The following TXNDC8 variants were observed in gnomAD, a reference collection of about 807,000 sequenced individuals.
TXNDC8 encodes the protein thioredoxin domain-containing protein 8.
TXNDC8 carries 15 observed loss-of-function variants against 12.9 expected under a neutral mutation model. The observed-to-expected ratio is 1.16, with a 90% CI of 0.78 to 1.79. TXNDC8 has a LOEUF of 1.79. Among genes scored for constraint, TXNDC8 ranks in the 40% most tolerant of loss-of-function variants. The pLI, the probability that TXNDC8 is intolerant of heterozygous loss-of-function variation, is 0.00. For synonymous variants in TXNDC8, 40 were observed against 35.4 expected (o/e 1.13, Z -0.46); for missense variants, 128 against 113.2 (o/e 1.13, Z -0.59).
At chr9:110,310,030 A>G (rs1168119044) in intron 3 of TXNDC8, among the ~76,000 whole-genome samples, 2 of 152,236 alleles carry the variant, frequency 1.3e-5, no homozygotes, top group Non-Finnish European at 2.9e-5. Flanking sequence ...GAAAACAAGG[A>G]GACTGACTCC....
intron 2 of TXNDC8, among the ~76,000 whole-genome samples, chr9:110,326,942 A>G (rs953150579): frequency 3.6e-5 from 5 of 140,336 alleles, no homozygotes; most frequent in African/African-American, 1.4e-4. Flanking sequence ...CTACTCATGC[A>G]CACACACACA....
At chr9:110,305,550 CTT>C (rs1169345809) in intron 3 of TXNDC8, among the ~76,000 whole-genome samples, 3 of 31,980 alleles carry the variant, frequency 9.4e-5, no homozygotes, top group Admixed American at 3.9e-4. Flanking sequence ...TTTTCTTTTT[CTT>C]TCTTTCTTTC....
chr9:110,320,943 C>T (rs973415331), intron 3 of TXNDC8, among the ~76,000 whole-genome samples: 1 of 152,144 alleles, frequency 6.6e-6, no homozygotes, highest in Non-Finnish European at 1.5e-5. Flanking sequence ...TCTTCTTTGC[C>T]CTAGAACTAG....
At chr9:110,322,311 T>C (rs920266312) in intron 3 of TXNDC8, 3 of 939,660 alleles carry the variant, frequency 3.2e-6, no homozygotes, top group African/African-American at 3.6e-5. Context: ...TGGGTGACCC[T>C]GGAATTAGAA....
At chr9:110,329,570 C>A (rs1006891121) in intron 2 of TXNDC8, among the ~76,000 whole-genome samples, 1 of 152,108 alleles carries the variant, frequency 6.6e-6, no homozygotes, top group African/African-American at 2.4e-5. Context: ...ACAGAATGTG[C>A]GTGGTGGATC....
At chr9:110,304,642 G>T (rs757459299) in intron 3 of TXNDC8, 110 bp from the exon 5 acceptor site, 1 of 991,562 alleles carries the variant, frequency 1.0e-6, no homozygotes, top group Non-Finnish European at 1.4e-6. Flanking sequence ...TGTCAGAAAG[G>T]ATCTGCAAAA....
Position 110,329,365 on chromosome 9 carries a change from A to G in TXNDC8, c.130-3125T>C, listed in dbSNP as rs139729035. The G allele has an allele frequency of 1.4e-5, 17 of 1,193,446 alleles. No homozygotes were observed. The Admixed American group carries it at 3.5e-4, about 24-fold the overall frequency. The allele number at this position is 1,193,446 out of a possible 1,614,324, so 73.9% of individuals were successfully genotyped here. Reference sequence around the variant, plus strand: ...AAATACACACTGGAAGTGTCTTTTCAGTAGAAAAGAAAATTGAACAGAAAG... The same window carrying G: ...AAATACACACTGGAAGTGTCTTTTCGGTAGAAAAGAAAATTGAACAGAAAG... On this transcript the variant is annotated intron_variant, in intron 2 of 4. Transcript: ENST00000423740.
At chr9:110,312,601 C>T (rs952642928) in intron 3 of TXNDC8, among the ~76,000 whole-genome samples, 8 of 152,024 alleles carry the variant, frequency 5.3e-5, no homozygotes, top group Admixed American at 5.2e-4. Flanking sequence ...GGCTCAGCTT[C>T]AAAAAAGTCT....
chr9:110,324,299 A>C (rs1839224307), intron 3 of TXNDC8, among the ~76,000 whole-genome samples: 1 of 152,234 alleles, frequency 6.6e-6, no homozygotes, highest in Admixed American at 6.5e-5. Context: ...AAGTTGAGGG[A>C]GCATATGTTA....
At chr9:110,308,804 G>A (rs919689051) in intron 3 of TXNDC8, among the ~76,000 whole-genome samples, 1 of 152,206 alleles carries the variant, frequency 6.6e-6, no homozygotes, top group Admixed American at 6.5e-5. Flanking sequence ...GAGCAAAGGT[G>A]CCACTCACCC....
intron 2 of TXNDC8, among the ~76,000 whole-genome samples, chr9:110,329,949 C>G (rs988879801): frequency 1.3e-5 from 2 of 152,128 alleles, no homozygotes; most frequent in African/African-American, 2.4e-5. Context: ...AAGTAACTCC[C>G]TCCTACTTCT....
At chr9:110,301,685 A>G (rs551109766), downstream of TXNDC8, among the ~76,000 whole-genome samples, 1 of 152,328 alleles carries the variant, frequency 6.6e-6, no homozygotes, top group Admixed American at 6.5e-5. Flanking sequence ...AGACTGGAAA[A>G]TAAAGAACAT....
intron 1 of TXNDC8, among the ~76,000 whole-genome samples, chr9:110,335,983 T>TG (rs1839739444): frequency 6.6e-6 from 1 of 151,986 alleles, no homozygotes; most frequent in Non-Finnish European, 1.5e-5. Flanking sequence ...ATTATGGGGG[T>TG]GGGTTTTTCC....
At position 110,332,426 on chromosome 9, in the gene TXNDC8, T is replaced by C. The variant is rs916488476; in HGVS notation, c.129+1790A>G. Among the ~76,000 whole-genome samples the C allele has an allele frequency of 3.3e-5, 5 of 152,172 alleles. 1 individual carries two copies. Among genetic ancestry groups the C allele is most frequent in the African/African-American group, 1.2e-4 (5 of 41,446 alleles). ...TGATGTTATGTAGCCAGTTTCTCTA[T>C]TGGAATATAAGTTCATTTTGAATTA... On this transcript the variant is annotated intron_variant, in intron 2 of 4. Transcript: ENST00000423740.
chr9:110,328,738 G>A (rs549179727), intron 2 of TXNDC8, among the ~76,000 whole-genome samples: 222 of 152,326 alleles, frequency 1.5e-3, no homozygotes, highest in Non-Finnish European at 2.7e-3. Flanking sequence ...CCCAGTAGGC[G>A]GAGGTTATGG....
Position 110,303,534 on chromosome 9 carries a change from T to G in TXNDC8, c.*148A>C. 1 of 1,528,318 alleles carries G rather than the reference T, an allele frequency of 6.5e-7. No individual in the cohort carries two copies. The highest frequency in any genetic ancestry group is 8.8e-7 in the Non-Finnish European group (1 of 1,131,524). The allele number at this position is 1,528,318 out of a possible 1,614,324, so 94.7% of individuals were successfully genotyped here. A position where few individuals can be genotyped will look rare whatever the true frequency, so the allele number is the denominator to read the frequency against. On this transcript the variant is annotated 3_prime_UTR_variant, in exon 5 of 5. Transcript: ENST00000423740. ...TTGGAGATCAGCTTACATTAATTCT[T>G]GAGTCTTGGCTTCCAATTTTTTAGC...
intron 3 of TXNDC8, chr9:110,323,302 A>G (rs903581247): frequency 6.1e-6 from 6 of 985,370 alleles, no homozygotes; most frequent in African/African-American, 1.7e-5. Flanking sequence ...ATATTTGACT[A>G]TAACAGGAGA....
intron 3 of TXNDC8, chr9:110,323,099 T>A (rs754096622): frequency 8.1e-6 from 8 of 985,234 alleles, no homozygotes; most frequent in Non-Finnish European, 9.6e-6. Flanking sequence ...TAAAAAAGGA[T>A]GCCATACAGG....
chr9:110,301,590 A>T (rs1838271521), downstream of TXNDC8, among the ~76,000 whole-genome samples: 1 of 152,088 alleles, frequency 6.6e-6, no homozygotes, highest in Non-Finnish European at 1.5e-5. Context: ...AGAGTTGTTC[A>T]GGAAGGAATA....
Sources: allele counts gnomAD v4.1 joint callset (sites outside exome capture counted in the v4.1 genomes callset), GRCh38; gene constraint gnomAD v4.1.1; transcripts MANE v1.5; gene names NCBI Gene and HGNC (gene_info 2026-07-23, HGNC 2026-07-21).